PAK1IP1: variants seen among roughly 807,000 people sequenced by gnomAD.
The protein encoded by PAK1IP1 is PAK1 interacting protein 1.
PAK1IP1 carries 24 observed loss-of-function variants against 42.0 expected under a neutral mutation model. That is an observed-to-expected ratio of 0.57 (90% CI 0.41 to 0.80). PAK1IP1 has a LOEUF of 0.80. Ranked by LOEUF, PAK1IP1 falls within the 30% of genes least tolerant of loss-of-function variation. The probability of loss-of-function intolerance (pLI) is 0.00; values close to 1 mark genes in which losing one functional copy is unlikely to be tolerated. For synonymous variants in PAK1IP1, 154 were observed against 156.7 expected (o/e 0.98, Z 0.13); for missense variants, 411 against 467.9 (o/e 0.88, Z 1.12).
At chr6:10,691,430 G>A (rs958845928), upstream of PAK1IP1, among the ~76,000 whole-genome samples, 1 of 152,070 alleles carries the variant, frequency 6.6e-6, no homozygotes, top group Non-Finnish European at 1.5e-5. Context: ...TGCATGCACC[G>A]GTAATTAGAA....
Position 10,707,044 on chromosome 6 carries a change from T to A in PAK1IP1, c.741-371T>A, listed in dbSNP as rs935594954. 3.3e-5 allele frequency among the ~76,000 whole-genome samples: 5 copies of A among 152,212 alleles called. No individual in the cohort carries two copies. The South Asian group carries it at 6.2e-4, about 19-fold the overall frequency. On this transcript the variant is annotated intron_variant, in intron 7 of 9. Transcript: ENST00000379568. ...ACTGGAGATGAGGGAAATGGATGTG[T>A]GGGAGAGGCCTGGATTCATCGTTTC...
chr6:10,700,337 C>T (rs1304857795), intron 2 of PAK1IP1, among the ~76,000 whole-genome samples: 1 of 152,136 alleles, frequency 6.6e-6, no homozygotes, highest in Non-Finnish European at 1.5e-5. Flanking sequence ...GGATTACAGG[C>T]GTGAGCCACC....
At chr6:10,693,463 C>A (rs57689018), upstream of PAK1IP1, among the ~76,000 whole-genome samples, 8,708 of 152,262 alleles carry the variant, frequency 0.057, 808 homozygotes, top group African/African-American at 0.19. Context: ...TCTGCAAGAC[C>A]CAAACTAGCC....
chr6:10,693,788 G>C (rs992301053), upstream of PAK1IP1, among the ~76,000 whole-genome samples: 1 of 152,120 alleles, frequency 6.6e-6, no homozygotes, highest in Admixed American at 6.5e-5. Flanking sequence ...GAATGCAGTG[G>C]AGCGATCTCG....
chr6:10,702,757 T>C (rs1376189697), intron 4 of PAK1IP1, 118 bp downstream of exon 4: 3 of 701,132 alleles, frequency 4.3e-6, no homozygotes, highest in Non-Finnish European at 7.6e-6. Flanking sequence ...CTTTTCATAG[T>C]GGTTCATAGT....
At chr6:10,708,611 T>G (rs1053318621) in intron 8 of PAK1IP1, among the ~76,000 whole-genome samples, 10 of 142,984 alleles carry the variant, frequency 7.0e-5, no homozygotes, top group African/African-American at 3.1e-4. Flanking sequence ...ACATGTGCTA[T>G]GTTGGTGTGC....
At chr6:10,691,296 G>A (rs1390027812), upstream of PAK1IP1, among the ~76,000 whole-genome samples, 2 of 152,118 alleles carry the variant, frequency 1.3e-5, no homozygotes, top group South Asian at 2.1e-4. Flanking sequence ...CAAGACTCAC[G>A]TCTCCAACAA....
At position 10,709,603 on chromosome 6, in the gene PAK1IP1, TAAA is replaced by T. The variant is rs34602235; in HGVS notation, c.*165_*167del. ...AAAACCACTTTTAGATGGTTTTTTT[TAAA>T]AAAAAAAAAAAAACTGGTAAAATTA... is the stretch of plus-strand genomic sequence containing the variant. On this transcript the variant is annotated 3_prime_UTR_variant, in exon 10 of 10. Coordinates refer to ENST00000379568, the MANE Select transcript of PAK1IP1 (RefSeq NM_017906.3). The T allele has an allele frequency of 0.011, 3,217 of 284,094 alleles. 93 individuals carry two copies. Among genetic ancestry groups the T allele is most frequent in the African/African-American group, 0.066 (2,739 of 41,258 alleles). 17.6% of individuals were successfully genotyped at this position (284,094 alleles called of 1,614,324 possible).
At chr6:10,698,825 G>C (rs1194508244) in intron 2 of PAK1IP1, among the ~76,000 whole-genome samples, 3 of 152,236 alleles carry the variant, frequency 2.0e-5, no homozygotes, top group Non-Finnish European at 4.4e-5. Context: ...AGGTTACTTG[G>C]TGTGTGCGGT....
At chr6:10,703,358 A>T (rs1581583914) in intron 4 of PAK1IP1, 47 bp from the exon 5 acceptor site, 2 of 1,447,842 alleles carry the variant, frequency 1.4e-6, no homozygotes, top group East Asian at 4.6e-5. Context: ...TACGCTTAGT[A>T]AAAGTTAGTT....
upstream of PAK1IP1, chr6:10,694,606 G>T: frequency 1.2e-5 from 2 of 169,832 alleles, no homozygotes; most frequent in South Asian, 1.3e-4. Context: ...CTAAGCAACC[G>T]GCCGGAAGTC....
At chr6:10,700,057 A>G (rs150671429) in intron 2 of PAK1IP1, among the ~76,000 whole-genome samples, 97 of 140,010 alleles carry the variant, frequency 6.9e-4, no homozygotes, top group African/African-American at 2.6e-3. Flanking sequence ...GAAAAAAACA[A>G]CTTTTTTTTT....
chr6:10,694,619 C>T (rs955951749), upstream of PAK1IP1: 9 of 186,276 alleles, frequency 4.8e-5, no homozygotes, highest in Admixed American at 2.3e-4. Flanking sequence ...CGGAAGTCGG[C>T]CCCACCTCCT....
Position 10,704,643 on chromosome 6 carries a change from A to G in PAK1IP1, c.633A>G (p.Lys211=), listed in dbSNP as rs1367324217. 1 of 1,612,604 alleles carries G rather than the reference A, an allele frequency of 6.2e-7. No homozygotes were observed. Among genetic ancestry groups the G allele is most frequent in the Admixed American group, 1.7e-5 (1 of 59,876 alleles). ...ITNEKRISSV[K]FLSESVLAVA... ...ATGAAAAGAGAATTTCCTCTGTTAA[A>G]TTTCTTTCAGTAAGTAATCAGAAAT... The change falls in exon 6 of 10, where the codon AAA becomes AAG. Residue 211 remains lysine (K), a synonymous_variant. Coordinates refer to ENST00000379568, the MANE Select transcript of PAK1IP1 (RefSeq NM_017906.3).
chr6:10,699,230 A>C (rs1477780506), intron 2 of PAK1IP1, among the ~76,000 whole-genome samples: 2 of 151,364 alleles, frequency 1.3e-5, no homozygotes, highest in Non-Finnish European at 2.9e-5. Flanking sequence ...AAAGAGGAAA[A>C]GAAAAGAAAA....
At chr6:10,695,630 G>A (rs949801331) in intron 1 of PAK1IP1, among the ~76,000 whole-genome samples, 1 of 152,114 alleles carries the variant, frequency 6.6e-6, no homozygotes, top group African/African-American at 2.4e-5. Context: ...AATTACAGCA[G>A]AATATGATAT....
chr6:10,691,153 T>C (rs1769258824), upstream of PAK1IP1, among the ~76,000 whole-genome samples: 1 of 152,166 alleles, frequency 6.6e-6, no homozygotes, highest in African/African-American at 2.4e-5. Context: ...ATCACTGCAT[T>C]TTACCCTTAA....
chr6:10,691,299 T>TC (rs1403729724), upstream of PAK1IP1, among the ~76,000 whole-genome samples: 3 of 152,126 alleles, frequency 2.0e-5, no homozygotes, highest in Non-Finnish European at 2.9e-5. Context: ...GACTCACGTC[T>TC]CCAACAACCA....
chr6:10,694,900 GGT>G (rs1561888024), upstream of PAK1IP1: 12 of 836,408 alleles, frequency 1.4e-5, no homozygotes, highest in East Asian at 1.2e-4. Flanking sequence ...AAAGGAGTCA[GGT>G]GTTTTTTTTT....
Sources: gnomAD v4.1 joint callset for allele counts (sites outside exome capture counted in the v4.1 genomes callset) on GRCh38, gnomAD v4.1.1 for gene constraint, MANE v1.5 for transcripts, NCBI Gene and HGNC (gene_info 2026-07-23, HGNC 2026-07-21) for gene names.